PCDH15: variants seen among roughly 807,000 people sequenced by gnomAD.
PCDH15 encodes protocadherin related 15.
Under a neutral mutation model 178.5 loss-of-function variants are expected in PCDH15, and 129 were observed. The observed-to-expected ratio is 0.72, with a 90% CI of 0.63 to 0.84. The LOEUF is 0.84. Ranked by LOEUF, PCDH15 falls within the 40% of genes least tolerant of loss-of-function variation. The probability of loss-of-function intolerance (pLI) is 0.00; values close to 1 mark genes in which losing one functional copy is unlikely to be tolerated. For missense variants in PCDH15, 2,230 were observed against 2,099.9 expected, an observed-to-expected ratio of 1.06 and a Z score of -1.21; for synonymous variants, 800 against 732.0, an observed-to-expected ratio of 1.09 and a Z score of -1.50.
At chr10:55,023,803 ATAT>A (rs1441951999) in intron 2 of PCDH15, among the ~76,000 whole-genome samples, 1 of 150,912 alleles carries the variant, frequency 6.6e-6, no homozygotes, top group African/African-American at 2.4e-5. Flanking sequence ...ATTCATATAT[ATAT>A]TCTTTCATAT....
At chr10:54,426,621 G>A (rs1956296693) in intron 3 of PCDH15, among the ~76,000 whole-genome samples, 1 of 152,072 alleles carries the variant, frequency 6.6e-6, no homozygotes. Context: ...TTTCAGATCT[G>A]CTGTTTGTCT....
intron 1 of PCDH15, among the ~76,000 whole-genome samples, chr10:55,193,907 A>C (rs1454296218): frequency 2.6e-5 from 4 of 151,952 alleles, no homozygotes; most frequent in African/African-American, 9.7e-5. Context: ...CCCTTAAATA[A>C]TGATAAAGCC....
chr10:55,424,297 C>T (rs1838697689), intron 2 of PCDH15, among the ~76,000 whole-genome samples: 1 of 152,014 alleles, frequency 6.6e-6, no homozygotes, highest in Non-Finnish European at 1.5e-5. Flanking sequence ...AGTGTGTGCC[C>T]TGGTGATGTC....
At chr10:54,353,485 A>G (rs552480116) in intron 5 of PCDH15, among the ~76,000 whole-genome samples, 18 of 152,284 alleles carry the variant, frequency 1.2e-4, no homozygotes, top group South Asian at 4.1e-4. Context: ...TACACAAAAA[A>G]TATAATATTT....
chr10:55,138,463 C>G (rs1838262702), intron 2 of PCDH15, among the ~76,000 whole-genome samples: 1 of 151,966 alleles, frequency 6.6e-6, no homozygotes, highest in African/African-American at 2.4e-5. Context: ...TGACTGTGGC[C>G]AGTATAGCCA....
At chr10:54,001,904 C>A (rs557230818) in intron 20 of PCDH15, among the ~76,000 whole-genome samples, 2 of 151,506 alleles carry the variant, frequency 1.3e-5, no homozygotes, top group South Asian at 4.2e-4. Flanking sequence ...TAATGGAAAC[C>A]AATAAACAGC....
intron 27 of PCDH15, among the ~76,000 whole-genome samples, chr10:53,862,176 C>T (rs1470618739): frequency 2.0e-5 from 3 of 151,916 alleles, no homozygotes; most frequent in South Asian, 2.1e-4. Context: ...CTCATTCTCC[C>T]GAGTATCTGG....
intron 17 of PCDH15, among the ~76,000 whole-genome samples, chr10:54,079,114 T>C (rs1427052749): frequency 3.9e-5 from 6 of 152,220 alleles, no homozygotes; most frequent in Admixed American, 6.5e-5. Context: ...TGATCTCAAG[T>C]ATCTGTTCTG....
At chr10:55,350,846 T>C (rs1185015794) in intron 2 of PCDH15, among the ~76,000 whole-genome samples, 1 of 152,158 alleles carries the variant, frequency 6.6e-6, no homozygotes, top group African/African-American at 2.4e-5. Context: ...CTCACACAAC[T>C]GTTTGGATTC....
At chr10:54,293,288 C>T (rs1471004880) in intron 8 of PCDH15, among the ~76,000 whole-genome samples, 1 of 152,094 alleles carries the variant, frequency 6.6e-6, no homozygotes, top group African/African-American at 2.4e-5. Flanking sequence ...AACTGGATCC[C>T]TTCCTTACAC....
chr10:55,419,305 A>T (rs1838561158), intron 2 of PCDH15, among the ~76,000 whole-genome samples: 1 of 151,778 alleles, frequency 6.6e-6, no homozygotes, highest in Non-Finnish European at 1.5e-5. Flanking sequence ...GCTTAGTTGT[A>T]GATTGCACGG....
At position 54,655,298 on chromosome 10, in the gene PCDH15, G is replaced by GAGAGAGAGAGAGAC. The variant is rs1565866433; in HGVS notation, c.91+8873_91+8874insGTCTCTCTCTCTCT. ...AGAGAGAGAGAGAGAGAGAGAGAGA[G>GAGAGAGAGAGAGAC]AGAGACAGAGAGAGAGACAGAGAAA... On this transcript the variant is annotated intron_variant, in intron 2 of 37. Coordinates refer to ENST00000644397, the MANE Select transcript of PCDH15 (RefSeq NM_001384140.1). 1.3e-4 allele frequency among the ~76,000 whole-genome samples: 15 copies of GAGAGAGAGAGAGAC among 112,524 alleles called. 1 individual carries two copies. Among genetic ancestry groups the GAGAGAGAGAGAGAC allele is most frequent in the Non-Finnish European group, 1.8e-4 (9 of 48,764 alleles). The allele number at this position is 112,524 out of a possible 152,430, so 73.8% of individuals were successfully genotyped here. A position where few individuals can be genotyped will look rare whatever the true frequency, so the allele number is the denominator to read the frequency against.
intron 23 of PCDH15, among the ~76,000 whole-genome samples, chr10:53,956,382 T>C (rs897308788): frequency 3.9e-5 from 6 of 152,156 alleles, no homozygotes; most frequent in African/African-American, 1.4e-4. Flanking sequence ...GAAGAGATAA[T>C]TGAAGATGAT....
At chr10:55,020,559 T>C (rs1463031305) in intron 2 of PCDH15, among the ~76,000 whole-genome samples, 1 of 152,112 alleles carries the variant, frequency 6.6e-6, no homozygotes, top group African/African-American at 2.4e-5. Context: ...TATTACTACA[T>C]TTTTTTCATT....
intron 2 of PCDH15, among the ~76,000 whole-genome samples, chr10:55,035,499 T>C (rs1840712656): frequency 6.6e-6 from 1 of 152,172 alleles, no homozygotes; most frequent in Non-Finnish European, 1.5e-5. Context: ...AATAAATTTG[T>C]TGTTCCCTCC....
At chr10:53,990,529 A>ATATATATGTTC (rs1017962663) in intron 21 of PCDH15, among the ~76,000 whole-genome samples, 5 of 148,556 alleles carry the variant, frequency 3.4e-5, no homozygotes, top group African/African-American at 7.3e-5. Context: ...TATATGTTCT[A>ATATATATGTTC]TATATGTTTT....
chr10:55,281,420 A>AT lies in PCDH15; in HGVS notation c.-156+38178dup, dbSNP rs142181140. 1.5e-4 allele frequency among the ~76,000 whole-genome samples: 22 copies of AT among 147,282 alleles called. 1 individual carries two copies. Among genetic ancestry groups the AT allele is most frequent in the Non-Finnish European group, 2.1e-4 (14 of 66,454 alleles). On this transcript the variant is annotated intron_variant, in intron 1 of 5. Transcript: ENST00000458638. ...ATTACCACTATACAAATAAAAACAC[A>AT]TTTTTTTTTTCTTTTTCTTTTTTTA...
chr10:55,405,862 G>T (rs932628431), intron 2 of PCDH15, among the ~76,000 whole-genome samples: 1 of 151,504 alleles, frequency 6.6e-6, no homozygotes, highest in Non-Finnish European at 1.5e-5. Context: ...TATTTTTAAT[G>T]TTAGAAGCTT....
intron 1 of PCDH15, among the ~76,000 whole-genome samples, chr10:55,248,382 T>G (rs12252515): frequency 0.058 from 8,854 of 152,120 alleles, 279 homozygotes; most frequent in East Asian, 0.12. Flanking sequence ...TAGAAATATA[T>G]CCTTAATTCA....
Sources: gnomAD v4.1 joint callset for allele counts (sites outside exome capture counted in the v4.1 genomes callset) on GRCh38, gnomAD v4.1.1 for gene constraint, MANE v1.5 for transcripts, NCBI Gene and HGNC (gene_info 2026-07-23, HGNC 2026-07-21) for gene names.